SYNE2: variants seen among roughly 807,000 people sequenced by gnomAD.
SYNE2 encodes spectrin repeat containing nuclear envelope protein 2.
Under a neutral mutation model 856.3 loss-of-function variants are expected in SYNE2, and 431 were observed. That is an observed-to-expected ratio of 0.50 (90% CI 0.47 to 0.55). The LOEUF is 0.55. Ranked by LOEUF, SYNE2 falls within the 20% of genes least tolerant of loss-of-function variation. The pLI, the probability that SYNE2 is intolerant of heterozygous loss-of-function variation, is 0.00. For synonymous variants in SYNE2, 2,923 were observed against 2,872.3 expected (o/e 1.02, Z -0.56); for missense variants, 8,129 against 8,023.2 (o/e 1.01, Z -0.50).
intron 66 of SYNE2, among the ~76,000 whole-genome samples, chr14:64,114,004 A>G (rs1257672470): frequency 6.6e-6 from 1 of 152,236 alleles, no homozygotes; most frequent in Middle Eastern, 3.2e-3. Flanking sequence ...TATAAAGTAT[A>G]TAACAAGTGC....
Position 64,174,959 on chromosome 14 carries a change from T to A in SYNE2, c.17251T>A (p.Phe5751Ile). Residue 5751 changes from phenylalanine (F) to isoleucine (I), a missense_variant, in exon 95 of 116, where the codon TTT becomes ATT. Phe to Ile is a conservative substitution (Grantham distance 21). Transcript: ENST00000555002. Reference protein sequence around the residue: ...IHELKNKEIHFQRRRTTCALT... With the variant: ...IHELKNKEIHIQRRRTTCALT... ...TTTTTCTTAGAATAAAGAAATTCAT[T>A]TTCAAAGGAGGCGAACTACCTGTGC... 1.2e-6 allele frequency: 2 copies of A among 1,614,120 alleles called. No individual in the cohort carries two copies. Among genetic ancestry groups the A allele is most frequent in the Non-Finnish European group, 1.7e-6 (2 of 1,180,008 alleles).
intron 1 of SYNE2, among the ~76,000 whole-genome samples, chr14:63,904,069 A>G (rs989372223): frequency 1.3e-5 from 2 of 152,104 alleles, no homozygotes; most frequent in Non-Finnish European, 2.9e-5. Context: ...GTGAAAACAT[A>G]TATTATTGGT....
chr14:63,811,409 C>G (rs892601325), intron 1 of SYNE2, among the ~76,000 whole-genome samples: 1 of 152,064 alleles, frequency 6.6e-6, no homozygotes, highest in Non-Finnish European at 1.5e-5. Context: ...TGTGCATCAC[C>G]ATGCCTGGCT....
At chr14:64,078,753 C>A in intron 55 of SYNE2, 147 bp downstream of exon 55, 1 of 1,005,544 alleles carries the variant, frequency 9.9e-7, no homozygotes, top group Non-Finnish European at 1.5e-6. Context: ...CCTAGAGAGG[C>A]TTGATAGGGA....
At position 63,997,307 on chromosome 14, in the gene SYNE2, C is replaced by G. The variant is rs912620703; in HGVS notation, c.3159C>G (p.Thr1053=). 3 of 1,613,024 alleles carry G rather than the reference C, an allele frequency of 1.9e-6. No individual in the cohort carries two copies. Among genetic ancestry groups the G allele is most frequent in the African/African-American group, 1.3e-5 (1 of 75,006 alleles). The change falls in exon 25 of 116, where the codon ACC becomes ACG. Residue 1053 remains threonine (T), a synonymous_variant. Coordinates refer to ENST00000555002, the MANE Select transcript of SYNE2 (RefSeq NM_182914.3). ...TAGGTSKNEG[T]ITTSENRGGD... ...AATTTTGATTCCTTTCTAGGGGGACCATCACCACATCTGAGAATAGAGGAG... is the reference window on the plus strand; with the variant it reads ...AATTTTGATTCCTTTCTAGGGGGACGATCACCACATCTGAGAATAGAGGAG...
At chr14:64,116,213 G>A (rs2097852955) in intron 66 of SYNE2, among the ~76,000 whole-genome samples, 1 of 142,336 alleles carries the variant, frequency 7.0e-6, no homozygotes, top group Non-Finnish European at 1.5e-5. Flanking sequence ...GGGAGGGAGG[G>A]AGGATTATGC....
intron 1 of SYNE2, among the ~76,000 whole-genome samples, chr14:63,824,623 A>G (rs1358610813): frequency 2.1e-5 from 3 of 141,702 alleles, no homozygotes; most frequent in African/African-American, 7.8e-5. Flanking sequence ...TGGGTGACAG[A>G]GCGAGAATCT....
chr14:63,914,244 T>C (rs1175197526), intron 2 of SYNE2, among the ~76,000 whole-genome samples: 1 of 152,140 alleles, frequency 6.6e-6, no homozygotes, highest in Non-Finnish European at 1.5e-5. Context: ...ATGAAAGCAG[T>C]AGGGGTAATG....
intron 45 of SYNE2, among the ~76,000 whole-genome samples, chr14:64,043,064 T>C (rs969296003): frequency 9.9e-5 from 15 of 152,208 alleles, no homozygotes. Context: ...ATGAGGAACT[T>C]GTTGGGAACT....
At chr14:63,810,541 T>C (rs765707407) in intron 1 of SYNE2, among the ~76,000 whole-genome samples, 2 of 152,088 alleles carry the variant, frequency 1.3e-5, no homozygotes, top group Non-Finnish European at 2.9e-5. Context: ...GGGTAAGAAT[T>C]TCTGTAGCAC....
At chr14:63,975,947 A>T (rs1326382795) in intron 11 of SYNE2, among the ~76,000 whole-genome samples, 2 of 152,200 alleles carry the variant, frequency 1.3e-5, no homozygotes, top group Non-Finnish European at 2.9e-5. Context: ...GGGCAGTGAG[A>T]ATGAAGACAC....
At chr14:63,895,136 CT>C (rs2153280770) in intron 1 of SYNE2, among the ~76,000 whole-genome samples, 1 of 150,028 alleles carries the variant, frequency 6.7e-6, no homozygotes, top group African/African-American at 2.5e-5. Flanking sequence ...GATGAAGTCT[CT>C]CTCTGTTGCC....
intron 10 of SYNE2, among the ~76,000 whole-genome samples, chr14:63,966,360 CAA>C (rs71123824): frequency 7.2e-6 from 1 of 138,702 alleles, no homozygotes. Context: ...ACAAAAAATA[CAA>C]AAAAAAAAAA....
intron 11 of SYNE2, among the ~76,000 whole-genome samples, chr14:63,968,250 C>T (rs1053205231): frequency 2.0e-5 from 3 of 152,064 alleles, no homozygotes; most frequent in African/African-American, 7.2e-5. Context: ...ATGTAAAAGA[C>T]AGTGTAGATG....
rs2096702142 is a variant in SYNE2, at chr14:63,995,030, GA to G, written c.2782-13del. The G allele has an allele frequency of 2.7e-6, 4 of 1,479,248 alleles. No individual in the cohort carries two copies. Among genetic ancestry groups the G allele is most frequent in the Non-Finnish European group, 3.7e-6 (4 of 1,077,288 alleles). The allele number at this position is 1,479,248 out of a possible 1,614,324, so 91.6% of individuals were successfully genotyped here. ...GTTCTCATGGTTAATATATTCCTTTGATTTTTTTTGTAGTCTCTTCATCATG... is the reference window on the plus strand; with the variant it reads ...GTTCTCATGGTTAATATATTCCTTTGTTTTTTTTGTAGTCTCTTCATCATG... On this transcript the variant is annotated splice_polypyrimidine_tract_variant and intron_variant, in intron 22 of 115. Coordinates refer to ENST00000555002, the MANE Select transcript of SYNE2 (RefSeq NM_182914.3).
At chr14:63,814,403 A>T (rs1367721295) in intron 1 of SYNE2, among the ~76,000 whole-genome samples, 3 of 147,252 alleles carry the variant, frequency 2.0e-5, no homozygotes, top group African/African-American at 7.4e-5. Flanking sequence ...ATCCATAAAC[A>T]TATCCATATA....
intron 2 of SYNE2, among the ~76,000 whole-genome samples, chr14:63,931,608 A>T (rs986944826): frequency 2.1e-4 from 32 of 152,188 alleles, no homozygotes; most frequent in African/African-American, 7.7e-4. Flanking sequence ...GGCCTAGTAT[A>T]ACTGTTGCCA....
intron 22 of SYNE2, 130 bp downstream of exon 22, chr14:63,994,099 A>G (rs1301093310): frequency 6.6e-6 from 6 of 902,706 alleles, no homozygotes; most frequent in Non-Finnish European, 1.0e-5. Flanking sequence ...TGCAGGCTGA[A>G]GTCCCAGGGT....
chr14:64,089,014 T>C (rs1180705087), intron 58 of SYNE2, among the ~76,000 whole-genome samples: 3 of 152,188 alleles, frequency 2.0e-5, no homozygotes, highest in Non-Finnish European at 4.4e-5. Flanking sequence ...TTCCTCATAA[T>C]TTGAAGATAT....
Sources: allele counts gnomAD v4.1 joint callset (sites outside exome capture counted in the v4.1 genomes callset), GRCh38; gene constraint gnomAD v4.1.1; transcripts MANE v1.5; gene names NCBI Gene and HGNC (gene_info 2026-07-23, HGNC 2026-07-21).